The following TUBB6 variants were observed in gnomAD, a reference collection of about 807,000 sequenced individuals.
The protein encoded by TUBB6 is tubulin beta-6 chain.
In TUBB6, 18 loss-of-function variants were observed where a neutral mutation model predicts 32.3. That is an observed-to-expected ratio of 0.56 (90% CI 0.39 to 0.83). The LOEUF (loss-of-function observed/expected upper bound fraction) is 0.83, where lower values mean the gene tolerates loss of function less well. TUBB6 is among the 40% of genes least tolerant of loss of function. The probability of loss-of-function intolerance (pLI) is 0.00; values close to 1 mark genes in which losing one functional copy is unlikely to be tolerated. For synonymous variants in TUBB6, 280 were observed against 265.8 expected, an observed-to-expected ratio of 1.05 and a Z score of -0.52; for missense variants, 480 against 632.0, an observed-to-expected ratio of 0.76 and a Z score of 2.58.
At chr18:12,322,829 T>G (rs1907060083) in intron 3 of TUBB6, among the ~76,000 whole-genome samples, 2 of 152,212 alleles carry the variant, frequency 1.3e-5, no homozygotes, top group South Asian at 2.1e-4. Flanking sequence ...TAGATAACAT[T>G]TAATACTTTG....
At chr18:12,324,375 AAAAG>A (rs907804115) in intron 3 of TUBB6, among the ~76,000 whole-genome samples, 40 of 152,338 alleles carry the variant, frequency 2.6e-4, no homozygotes, top group South Asian at 1.0e-3. Flanking sequence ...GTCTCCAAAA[AAAAG>A]AAAGAAAGAA....
chr18:12,315,002 A>C (rs1906596109), intron 3 of TUBB6, among the ~76,000 whole-genome samples: 1 of 152,094 alleles, frequency 6.6e-6, no homozygotes, highest in Admixed American at 6.5e-5. Context: ...CCACACTCTT[A>C]AAAGTTTAAA....
intron 3 of TUBB6, among the ~76,000 whole-genome samples, chr18:12,324,302 G>A (rs1163670943): frequency 6.6e-6 from 1 of 152,030 alleles, no homozygotes; most frequent in African/African-American, 2.4e-5. Context: ...CCCAGGAGGC[G>A]GAGCTTGCAA....
Position 12,325,922 on chromosome 18 carries a change from T to A in TUBB6, c.1133T>A (p.Phe378Tyr), listed in dbSNP as rs781611902. ...IGNSTAIQEL[F>Y]KRISEQFSAM... ...AACAGCACGGCCATCCAGGAGCTGT[T>A]CAAGCGCATCTCCGAGCAGTTCTCA... is the stretch of plus-strand genomic sequence containing the variant. Residue 378 changes from phenylalanine to tyrosine, a missense_variant, in exon 4 of 4, where the codon TTC becomes TAC. Physicochemically the swap from Phe to Tyr is conservative, Grantham distance 22 (BLOSUM62 3). Coordinates refer to ENST00000317702, the MANE Select transcript of TUBB6 (RefSeq NM_032525.3). 6.2e-7 allele frequency: 1 copy of A among 1,614,038 alleles called. No homozygotes were observed. The highest frequency in any genetic ancestry group is 2.2e-5 in the East Asian group (1 of 44,870).
chr18:12,321,653 A>G (rs981974510), intron 3 of TUBB6, among the ~76,000 whole-genome samples: 9 of 152,208 alleles, frequency 5.9e-5, no homozygotes, highest in African/African-American at 2.2e-4. Flanking sequence ...AATTGTTGCC[A>G]CCAGCCGTGT....
At chr18:12,323,116 G>A (rs926274696) in intron 3 of TUBB6, among the ~76,000 whole-genome samples, 1 of 152,150 alleles carries the variant, frequency 6.6e-6, no homozygotes, top group African/African-American at 2.4e-5. Context: ...TCAAGAGGTT[G>A]AAGTGGGAGA....
intron 3 of TUBB6, among the ~76,000 whole-genome samples, chr18:12,320,377 T>C (rs1302465814): frequency 2.0e-5 from 3 of 152,238 alleles, no homozygotes; most frequent in Non-Finnish European, 4.4e-5. Flanking sequence ...AATTGCATTG[T>C]AAATGTTTTA....
chr18:12,308,488 G>T, intron 1 of TUBB6, 139 bp downstream of exon 1: 1 of 785,736 alleles, frequency 1.3e-6, no homozygotes, highest in Non-Finnish European at 1.8e-6. Flanking sequence ...CGCGAGGGCC[G>T]CAGGGAGGGA....
chr18:12,317,904 C>T (rs1906759167), intron 3 of TUBB6, among the ~76,000 whole-genome samples: 1 of 152,172 alleles, frequency 6.6e-6, no homozygotes, highest in African/African-American at 2.4e-5. Context: ...TCAGAAGTCA[C>T]CAGCTTCCTC....
chr18:12,317,900 G>A (rs1906758939), intron 3 of TUBB6, among the ~76,000 whole-genome samples: 1 of 152,158 alleles, frequency 6.6e-6, no homozygotes, highest in South Asian at 2.1e-4. Flanking sequence ...TTTTTCAGAA[G>A]TCACCAGCTT....
rs772769693 is a variant in TUBB6 at position 12,326,180 on chromosome 18, T to C, written c.*50T>C. The stretch of plus-strand genomic sequence containing the variant: ...GATCCTACAACACGCAAGTTCCTTC[T>C]TGAACCCTGGTGCCTCCTACCCTAT... On this transcript the variant is annotated 3_prime_UTR_variant, in exon 4 of 4. Transcript: ENST00000317702. 6.4e-7 allele frequency: 1 copy of C among 1,569,216 alleles called. No homozygotes were observed. Among genetic ancestry groups the C allele is most frequent in the African/African-American group, 1.3e-5 (1 of 74,162 alleles).
downstream of TUBB6, chr18:12,326,666 CTTCAG>C (rs1027926402): frequency 6.4e-6 from 1 of 155,940 alleles, no homozygotes; most frequent in Non-Finnish European, 1.4e-5. Flanking sequence ...CTCCTCCCCA[CTTCAG>C]TTCACGAAAA....
chr18:12,308,513 G>C, intron 1 of TUBB6, 164 bp downstream of exon 1: 1 of 687,146 alleles, frequency 1.5e-6, no homozygotes, highest in Non-Finnish European at 2.2e-6. Context: ...CCGGGGCGTG[G>C]CCGGCCGGGG....
intron 3 of TUBB6, among the ~76,000 whole-genome samples, chr18:12,323,236 T>G (rs1179477520): frequency 6.6e-6 from 1 of 152,024 alleles, no homozygotes; most frequent in African/African-American, 2.4e-5. Context: ...ATACAGATGT[T>G]CACAGCAATG....
intron 3 of TUBB6, among the ~76,000 whole-genome samples, chr18:12,311,479 C>T (rs140095425): frequency 0.013 from 2,019 of 152,228 alleles, 20 homozygotes; most frequent in Middle Eastern, 0.024. Context: ...TGCCTGTAGT[C>T]CCAGCTACTC....
downstream of TUBB6, chr18:12,329,310 C>T (rs566345570): frequency 5.8e-6 from 4 of 683,776 alleles, no homozygotes; most frequent in Admixed American, 2.1e-5. Flanking sequence ...CTGGGCTCAA[C>T]CTTTCCAGCA....
intron 3 of TUBB6, among the ~76,000 whole-genome samples, chr18:12,316,039 GC>G (rs1906657350): frequency 6.6e-6 from 1 of 152,232 alleles, no homozygotes; most frequent in Admixed American, 6.5e-5. Context: ...TCTGGCCCCG[GC>G]CCAGTCTGCC....
At chr18:12,320,087 CA>C (rs1177232321) in intron 3 of TUBB6, among the ~76,000 whole-genome samples, 2 of 150,208 alleles carry the variant, frequency 1.3e-5, no homozygotes, top group African/African-American at 4.9e-5. Flanking sequence ...CGTGCCCAGC[CA>C]AAAAAATGTT....
At chr18:12,323,276 G>A (rs899830539) in intron 3 of TUBB6, among the ~76,000 whole-genome samples, 13 of 152,094 alleles carry the variant, frequency 8.5e-5, no homozygotes, top group African/African-American at 2.7e-4. Flanking sequence ...TATGAAACTC[G>A]TAGTGCCCAG....
Sources: allele counts gnomAD v4.1 joint callset (sites outside exome capture counted in the v4.1 genomes callset), GRCh38; gene constraint gnomAD v4.1.1; transcripts MANE v1.5; gene names NCBI Gene and HGNC (gene_info 2026-07-23, HGNC 2026-07-21).